The following PIP5K1B variants were observed in gnomAD, a reference collection of about 807,000 sequenced individuals.
The protein encoded by PIP5K1B is phosphatidylinositol-4-phosphate 5-kinase type 1 beta.
Under a neutral mutation model 67.0 loss-of-function variants are expected in PIP5K1B, and 42 were observed. The ratio of observed to expected loss-of-function variants is 0.63; its 90% CI spans 0.49 to 0.81. The LOEUF (loss-of-function observed/expected upper bound fraction) is 0.81. Among genes scored for constraint, PIP5K1B ranks in the 30% least tolerant of loss-of-function variants. The pLI is 0.00. For missense variants in PIP5K1B, 459 were observed against 646.3 expected (o/e 0.71, Z 3.14); for synonymous variants, 214 against 231.4 (o/e 0.92, Z 0.68).
intron 14 of PIP5K1B, among the ~76,000 whole-genome samples, chr9:68,980,221 T>C (rs964327235): frequency 6.6e-6 from 1 of 152,178 alleles, no homozygotes; most frequent in Non-Finnish European, 1.5e-5. Flanking sequence ...GGTGAGCTTT[T>C]TCCCAGTGGG....
chr9:68,745,698 C>T (rs999720732), intron 2 of PIP5K1B, among the ~76,000 whole-genome samples: 8 of 152,178 alleles, frequency 5.3e-5, no homozygotes, highest in Admixed American at 2.0e-4. Flanking sequence ...CCTGCTCCCA[C>T]TCTGTGTTGC....
chr9:68,768,424 G>A (rs1204012260), intron 2 of PIP5K1B, among the ~76,000 whole-genome samples: 1 of 152,064 alleles, frequency 6.6e-6, no homozygotes, highest in Non-Finnish European at 1.5e-5. Context: ...ACAGAAGTTG[G>A]GTATACATAA....
At position 68,843,470 on chromosome 9, in the gene PIP5K1B, A is replaced by G. The variant is rs984669990; in HGVS notation, c.70-20367A>G. Among the ~76,000 whole-genome samples the G allele has an allele frequency of 9.2e-5, 14 of 152,228 alleles. 1 individual carries two copies. Among genetic ancestry groups the G allele is most frequent in the African/African-American group, 3.1e-4 (13 of 41,460 alleles). ...TGCCAGGTGGTTACATTCCAAAGAA[A>G]TTATATCATGGGATACAGACACAAG... On this transcript the variant is annotated intron_variant, in intron 4 of 15. Transcript: ENST00000265382.
At chr9:68,898,548 C>T (rs1188776244) in intron 8 of PIP5K1B, among the ~76,000 whole-genome samples, 2 of 152,198 alleles carry the variant, frequency 1.3e-5, no homozygotes, top group South Asian at 2.1e-4. Context: ...TCCCACGTGA[C>T]AGACAAGCTG....
intron 14 of PIP5K1B, among the ~76,000 whole-genome samples, chr9:68,965,973 CAA>C (rs1198036806): frequency 4.0e-3 from 266 of 67,086 alleles, no homozygotes; most frequent in African/African-American, 0.011. Context: ...GACTCCATCT[CAA>C]AAAAAAAAAA....
chr9:68,872,350 T>C (rs1306171790), intron 5 of PIP5K1B, among the ~76,000 whole-genome samples: 1 of 152,226 alleles, frequency 6.6e-6, no homozygotes, highest in Non-Finnish European at 1.5e-5. Flanking sequence ...GCCAGCGATC[T>C]CATTAATTTG....
chr9:69,009,108 T>C lies in PIP5K1B; in HGVS notation c.*659T>C, dbSNP rs1407272564. 1 of 152,676 alleles carries C rather than the reference T, an allele frequency of 6.5e-6. No homozygotes were observed. The highest frequency in any genetic ancestry group is 2.4e-5 in the African/African-American group (1 of 41,466). 9.5% of individuals were successfully genotyped at this position (152,676 alleles called of 1,614,324 possible). On this transcript the variant is annotated 3_prime_UTR_variant, in exon 16 of 16. Transcript: ENST00000265382. ...TTTATTGCTTGTAAAAGAGAAATTA[T>C]ATAATTTATTTAGTAAATACTACTG...
chr9:68,753,362 C>A (rs1829734748), intron 2 of PIP5K1B, among the ~76,000 whole-genome samples: 1 of 137,058 alleles, frequency 7.3e-6, no homozygotes, highest in Admixed American at 7.6e-5. Flanking sequence ...TTTTTTGAGA[C>A]TGAGTCTTAC....
intron 2 of PIP5K1B, among the ~76,000 whole-genome samples, chr9:68,785,708 G>A (rs1831572565): frequency 6.6e-6 from 1 of 152,180 alleles, no homozygotes; most frequent in Non-Finnish European, 1.5e-5. Flanking sequence ...AGAGCTGGGA[G>A]GTAGGCAGCG....
chr9:68,969,276 G>A (rs1829219862), intron 14 of PIP5K1B, among the ~76,000 whole-genome samples: 1 of 151,022 alleles, frequency 6.6e-6, no homozygotes, highest in Non-Finnish European at 1.5e-5. Flanking sequence ...GCTGAGGCAG[G>A]AGAATGGCGT....
intron 7 of PIP5K1B, among the ~76,000 whole-genome samples, chr9:68,892,933 T>G (rs976018817): frequency 3.3e-5 from 5 of 151,856 alleles, no homozygotes; most frequent in Non-Finnish European, 5.9e-5. Context: ...ATTATCTGGG[T>G]GTGGCGGCAC....
intron 14 of PIP5K1B, among the ~76,000 whole-genome samples, chr9:68,976,006 T>C: frequency 6.6e-6 from 1 of 152,180 alleles, no homozygotes; most frequent in Non-Finnish European, 1.5e-5. Context: ...CTTAAACATA[T>C]GAATTTTAGG....
At chr9:68,807,261 G>T (rs1197558689) in intron 2 of PIP5K1B, among the ~76,000 whole-genome samples, 1 of 152,158 alleles carries the variant, frequency 6.6e-6, no homozygotes, top group African/African-American at 2.4e-5. Flanking sequence ...TTTCATGACT[G>T]CTTCTATCTA....
chr9:68,945,115 AGTTGTGGGCTTAT>A (rs1478497790), intron 14 of PIP5K1B, among the ~76,000 whole-genome samples: 3 of 151,460 alleles, frequency 2.0e-5, no homozygotes, highest in Non-Finnish European at 2.9e-5. Flanking sequence ...TAGCAGGCAA[AGTTGTGGGCTTAT>A]GTTTTGGTTT....
chr9:68,968,928 G>A lies in PIP5K1B; in HGVS notation c.1503-22212G>A, dbSNP rs17059809. The stretch of plus-strand genomic sequence containing the variant: ...GCTGGGGGTTTTATTTGTAGAGGGA[G>A]GCATTGTAAGGGAGGTTATATATTT... On this transcript the variant is annotated intron_variant, in intron 14 of 15. Coordinates refer to ENST00000265382, the MANE Select transcript of PIP5K1B (RefSeq NM_003558.4). 2.0e-3 allele frequency among the ~76,000 whole-genome samples: 311 copies of A among 152,134 alleles called. 9 individuals carry two copies. The East Asian group carries it at 0.051, about 25-fold the overall frequency.
At chr9:68,872,087 A>T (rs1273638028) in intron 5 of PIP5K1B, among the ~76,000 whole-genome samples, 3 of 152,246 alleles carry the variant, frequency 2.0e-5, no homozygotes, top group African/African-American at 7.2e-5. Flanking sequence ...TCAGGAGGCA[A>T]ACGTTGATTG....
At chr9:68,970,300 G>A (rs1829291701) in intron 14 of PIP5K1B, among the ~76,000 whole-genome samples, 1 of 152,176 alleles carries the variant, frequency 6.6e-6, no homozygotes, top group Non-Finnish European at 1.5e-5. Flanking sequence ...ATTATAGCTA[G>A]GGTTAATTAC....
intron 14 of PIP5K1B, among the ~76,000 whole-genome samples, chr9:68,970,234 A>T (rs1428049675): frequency 6.6e-6 from 1 of 152,234 alleles, no homozygotes; most frequent in Non-Finnish European, 1.5e-5. Context: ...AAATTGTTTA[A>T]AGGAGCATGT....
At chr9:68,753,757 C>G (rs1829766619) in intron 2 of PIP5K1B, among the ~76,000 whole-genome samples, 1 of 152,028 alleles carries the variant, frequency 6.6e-6, no homozygotes, top group Non-Finnish European at 1.5e-5. Flanking sequence ...ATCTCCTGAC[C>G]TTGTGATCTG....
Sources: gnomAD v4.1 joint callset for allele counts (sites outside exome capture counted in the v4.1 genomes callset) on GRCh38, gnomAD v4.1.1 for gene constraint, MANE v1.5 for transcripts, NCBI Gene and HGNC (gene_info 2026-07-23, HGNC 2026-07-21) for gene names.